The following CDYL2 variants were observed in gnomAD, a reference collection of about 807,000 sequenced individuals.
CDYL2 encodes the protein chromodomain Y-like protein 2.
CDYL2 carries 23 observed loss-of-function variants against 49.4 expected under a neutral mutation model. The observed-to-expected ratio is 0.47, with a 90% CI of 0.34 to 0.66. The LOEUF is 0.66. Ranked by LOEUF, CDYL2 falls within the 30% of genes least tolerant of loss-of-function variation. CDYL2 has a pLI of 0.01. For missense variants in CDYL2, 678 were observed against 656.4 expected (o/e 1.03, Z -0.36); for synonymous variants, 360 against 268.8 (o/e 1.34, Z -3.32).
chr16:80,635,793 A>G (rs558998240), intron 2 of CDYL2, among the ~76,000 whole-genome samples: 6 of 152,224 alleles, frequency 3.9e-5, no homozygotes, highest in Non-Finnish European at 8.8e-5. Flanking sequence ...TGGAGGCATC[A>G]TGCTACCTGA....
At chr16:80,615,981 C>T (rs942471749) in intron 4 of CDYL2, among the ~76,000 whole-genome samples, 22 of 152,272 alleles carry the variant, frequency 1.4e-4, no homozygotes, top group African/African-American at 5.1e-4. Flanking sequence ...GGCGGGGCTG[C>T]GTGGGGAAAA....
intron 1 of CDYL2, among the ~76,000 whole-genome samples, chr16:80,801,546 AAT>A (rs1320852255): frequency 1.3e-5 from 2 of 152,262 alleles, no homozygotes; most frequent in Non-Finnish European, 2.9e-5. Flanking sequence ...GAAATATATC[AAT>A]TACAAACGTA....
At chr16:80,649,829 C>T (rs528815104) in intron 2 of CDYL2, among the ~76,000 whole-genome samples, 1 of 152,178 alleles carries the variant, frequency 6.6e-6, no homozygotes, top group Admixed American at 6.5e-5. Context: ...ACAGTGAACC[C>T]ATTTTAGACA....
intron 1 of CDYL2, among the ~76,000 whole-genome samples, chr16:80,801,603 G>C (rs552133430): frequency 6.6e-6 from 1 of 152,356 alleles, no homozygotes; most frequent in Admixed American, 6.5e-5. Context: ...AGTAGAGATT[G>C]CGAGAAGCCA....
intron 1 of CDYL2, among the ~76,000 whole-genome samples, chr16:80,801,282 T>C (rs1394862099): frequency 6.6e-6 from 1 of 152,242 alleles, no homozygotes; most frequent in Non-Finnish European, 1.5e-5. Context: ...GAACTATCTA[T>C]CAAGATCCAA....
At chr16:80,692,519 G>T (rs7193379) in intron 1 of CDYL2, among the ~76,000 whole-genome samples, 1 of 152,048 alleles carries the variant, frequency 6.6e-6, no homozygotes, top group African/African-American at 2.4e-5. Flanking sequence ...AATTTTTAAC[G>T]TAAAACTGGA....
At chr16:80,691,569 C>T (rs770007431) in intron 1 of CDYL2, among the ~76,000 whole-genome samples, 2 of 152,202 alleles carry the variant, frequency 1.3e-5, no homozygotes, top group Non-Finnish European at 2.9e-5. Context: ...CTGGAAAACA[C>T]TATGCCTAGA....
At chr16:80,668,539 G>A (rs1315715951) in intron 2 of CDYL2, among the ~76,000 whole-genome samples, 1 of 151,666 alleles carries the variant, frequency 6.6e-6, no homozygotes, top group African/African-American at 2.4e-5. Flanking sequence ...TAAACTTAGA[G>A]AATAGTCCCA....
At chr16:80,665,998 C>T (rs1202843077) in intron 2 of CDYL2, among the ~76,000 whole-genome samples, 1 of 152,102 alleles carries the variant, frequency 6.6e-6, no homozygotes, top group African/African-American at 2.4e-5. Flanking sequence ...GGTAGAAAAG[C>T]ACATTCTTGA....
chr16:80,667,585 T>G (rs1909320617), intron 2 of CDYL2, among the ~76,000 whole-genome samples: 1 of 152,194 alleles, frequency 6.6e-6, no homozygotes, highest in Non-Finnish European at 1.5e-5. Context: ...TGCAGTTATT[T>G]GTCTAAACAG....
Position 80,804,293 on chromosome 16 carries a change from G to A in CDYL2, c.-120C>T. 1.1e-6 allele frequency: 1 copy of A among 871,678 alleles called. No homozygotes were observed. Among genetic ancestry groups the A allele is most frequent in the South Asian group, 2.5e-5 (1 of 39,436 alleles). 54.0% of individuals were successfully genotyped at this position (871,678 alleles called of 1,614,324 possible). On this transcript the variant is annotated 5_prime_UTR_variant, in exon 1 of 7. Coordinates refer to ENST00000570137, the MANE Select transcript of CDYL2 (RefSeq NM_152342.4). ...CGCGCGTGTGTGTGCGAGTGTGTGT[G>A]GTGTGTTGAGTAAACTGTGTTTTTG...
chr16:80,697,205 C>A (rs187332259), intron 1 of CDYL2, among the ~76,000 whole-genome samples: 81 of 152,260 alleles, frequency 5.3e-4, no homozygotes, highest in African/African-American at 1.9e-3. Flanking sequence ...TCCAACAACA[C>A]ATCAACAACA....
intron 4 of CDYL2, among the ~76,000 whole-genome samples, chr16:80,615,950 G>T (rs1442451765): frequency 6.6e-6 from 1 of 152,160 alleles, no homozygotes; most frequent in Non-Finnish European, 1.5e-5. Context: ...CTGCAGCTCC[G>T]ATATCTGATC....
chr16:80,696,284 A>T (rs1306991971), intron 1 of CDYL2, among the ~76,000 whole-genome samples: 3 of 152,192 alleles, frequency 2.0e-5, no homozygotes, highest in Non-Finnish European at 2.9e-5. Context: ...GAACATCTAC[A>T]TCAAAAAAGC....
chr16:80,668,797 G>A (rs1396215953), intron 2 of CDYL2, among the ~76,000 whole-genome samples: 1 of 151,972 alleles, frequency 6.6e-6, no homozygotes, highest in Non-Finnish European at 1.5e-5. Context: ...TACTCAGGAG[G>A]CTGAGGCAGG....
intron 1 of CDYL2, among the ~76,000 whole-genome samples, chr16:80,722,328 T>A (rs1365919629): frequency 6.6e-6 from 1 of 152,154 alleles, no homozygotes; most frequent in Non-Finnish European, 1.5e-5. Flanking sequence ...ACTAGGTGAT[T>A]CTATTATTCA....
At chr16:80,697,964 T>C (rs1479322546) in intron 1 of CDYL2, among the ~76,000 whole-genome samples, 1 of 152,138 alleles carries the variant, frequency 6.6e-6, no homozygotes, top group African/African-American at 2.4e-5. Flanking sequence ...AAAATGGCCA[T>C]ACTAGCCGAA....
At chr16:80,626,597 T>C (rs976776927) in intron 3 of CDYL2, among the ~76,000 whole-genome samples, 2 of 152,132 alleles carry the variant, frequency 1.3e-5, no homozygotes, top group Non-Finnish European at 2.9e-5. Context: ...ACCCAATCAC[T>C]GGATTGTTAA....
chr16:80,682,729 C>T (rs748646522), intron 2 of CDYL2, among the ~76,000 whole-genome samples: 2 of 152,222 alleles, frequency 1.3e-5, no homozygotes, highest in East Asian at 1.9e-4. Flanking sequence ...CCTCGCCACC[C>T]TTCCTGAGAC....
Sources: gnomAD v4.1 joint callset for allele counts (sites outside exome capture counted in the v4.1 genomes callset) on GRCh38, gnomAD v4.1.1 for gene constraint, MANE v1.5 for transcripts, NCBI Gene and HGNC (gene_info 2026-07-23, HGNC 2026-07-21) for gene names.